Variants in IQSEC3 observed in about 807,000 individuals in gnomAD.
The protein encoded by IQSEC3 is IQ motif and SEC7 domain-containing protein 3.
IQSEC3 carries 50 observed loss-of-function variants against 105.4 expected under a neutral mutation model. The ratio of observed to expected loss-of-function variants is 0.47; its 90% CI spans 0.38 to 0.60. The LOEUF (loss-of-function observed/expected upper bound fraction) is 0.60. Among genes scored for constraint, IQSEC3 ranks in the 20% least tolerant of loss-of-function variants. The probability of loss-of-function intolerance (pLI) is 0.00; values close to 1 mark genes in which losing one functional copy is unlikely to be tolerated. For synonymous variants in IQSEC3, 708 were observed against 746.0 expected (o/e 0.95, Z 0.83); for missense variants, 1,415 against 1,630.0 (o/e 0.87, Z 2.27).
At chr12:99,295 A>G in intron 2 of IQSEC3, 81 bp downstream of exon 2, 5 of 1,278,732 alleles carry the variant, frequency 3.9e-6, no homozygotes, top group Non-Finnish European at 4.4e-6. Flanking sequence ...TGCACTAGCT[A>G]TTGGGCCTCC....
At chr12:69,462 G>A (rs143504615) in intron 1 of IQSEC3, among the ~76,000 whole-genome samples, 2,204 of 152,034 alleles carry the variant, frequency 0.014, no homozygotes, top group African/African-American at 0.051. Context: ...GCTTCCCAAA[G>A]GAGCAGAACA....
At chr12:73,825 T>C (rs1358045482) in intron 1 of IQSEC3, among the ~76,000 whole-genome samples, 1 of 152,288 alleles carries the variant, frequency 6.6e-6, no homozygotes, top group Non-Finnish European at 1.5e-5. Context: ...TATTCTCATT[T>C]AGCCATTCCA....
intron 9 of IQSEC3, among the ~76,000 whole-genome samples, chr12:164,430 C>T (rs782605026): frequency 3.9e-5 from 6 of 152,120 alleles, no homozygotes; most frequent in Admixed American, 6.5e-5. Context: ...CCTCCCCGCC[C>T]TCTCCTCAGC....
Position 138,718 on chromosome 12 carries a change from A to C in IQSEC3, c.1355A>C (p.Glu452Ala). 6.7e-7 allele frequency: 1 copy of C among 1,503,528 alleles called. No homozygotes were observed. Among genetic ancestry groups the C allele is most frequent in the Non-Finnish European group, 8.8e-7 (1 of 1,132,090 alleles). 93.1% of individuals were successfully genotyped at this position (1,503,528 alleles called of 1,614,324 possible). ...AAAGPPGLEAEGRAPESAGPG... is the reference protein window; with the variant it reads ...AAAGPPGLEAAGRAPESAGPG... ...GCGGGGCCCCCAGGCCTGGAGGCCG[A>C]GGGGCGGGCGCCGGAGAGCGCGGGC... The change falls in exon 4 of 14, where the codon GAG becomes GCG. Residue 452 changes from glutamate (E) to alanine (A), a missense_variant. Glu to Ala is a moderately radical substitution (Grantham distance 107). Transcript: ENST00000538872. The surrounding 1 kb of genome is among the most constrained non-coding windows in gnomAD (Gnocchi z 7.1).
At chr12:145,778 C>G (rs571088806) in intron 5 of IQSEC3, among the ~76,000 whole-genome samples, 10 of 152,390 alleles carry the variant, frequency 6.6e-5, no homozygotes, top group African/African-American at 1.7e-4. Context: ...GCTCTATTTC[C>G]TTTCTGAAAT....
chr12:133,013 A>C (rs1215514612), intron 3 of IQSEC3, among the ~76,000 whole-genome samples: 3 of 152,224 alleles, frequency 2.0e-5, no homozygotes, highest in African/African-American at 7.2e-5. Flanking sequence ...ATCCAAGTCC[A>C]ATCAGCTGGG....
intron 5 of IQSEC3, among the ~76,000 whole-genome samples, chr12:147,378 G>A (rs190523285): frequency 2.2e-4 from 33 of 152,274 alleles, no homozygotes; most frequent in Admixed American, 1.5e-3. Flanking sequence ...TCTTCACAGC[G>A]ACTCCGGGAG....
At chr12:85,423 T>G (rs1367319667) in intron 1 of IQSEC3, among the ~76,000 whole-genome samples, 2 of 152,262 alleles carry the variant, frequency 1.3e-5, no homozygotes, top group African/African-American at 4.8e-5. Context: ...CAATTCATGC[T>G]GTGCTGCCAC....
At chr12:109,096 A>G (rs1344188926) in intron 2 of IQSEC3, among the ~76,000 whole-genome samples, 3 of 152,202 alleles carry the variant, frequency 2.0e-5, no homozygotes, top group African/African-American at 7.2e-5. Flanking sequence ...CGCTCTCTCT[A>G]CTTCAGGGAT....
chr12:76,890 C>G (rs1863553867), intron 1 of IQSEC3, among the ~76,000 whole-genome samples: 1 of 152,260 alleles, frequency 6.6e-6, no homozygotes, highest in Admixed American at 6.5e-5. Flanking sequence ...TTGGATGCAC[C>G]AGGTCAAACC....
intron 1 of IQSEC3, among the ~76,000 whole-genome samples, chr12:71,984 C>T (rs1863337882): frequency 6.6e-6 from 1 of 152,278 alleles, no homozygotes; most frequent in African/African-American, 2.4e-5. Context: ...TTCCTGAAGG[C>T]CTAGGCCACT....
At chr12:168,566 TAAG>T (rs145537721) in intron 11 of IQSEC3, among the ~76,000 whole-genome samples, 1,645 of 152,280 alleles carry the variant, frequency 0.011, 34 homozygotes, top group African/African-American at 0.034. Flanking sequence ...CCTTAATACT[TAAG>T]GAGTACAGGT....
At chr12:168,991 C>T (rs1176051508) in intron 11 of IQSEC3, 22 bp from the exon 12 acceptor site, 3 of 1,607,596 alleles carry the variant, frequency 1.9e-6, no homozygotes, top group Middle Eastern at 1.7e-4. Flanking sequence ...TTCTCTTGCT[C>T]ACGGGCCTCT....
intron 11 of IQSEC3, chr12:166,946 A>G (rs983020511): frequency 1.8e-4 from 27 of 152,164 alleles, no homozygotes; most frequent in African/African-American, 6.5e-4. Flanking sequence ...AGAAACTGTC[A>G]TTTTCATTTA....
rs1335960713 is a variant in IQSEC3 at position 74,137 on chromosome 12, G to A, written c.554+6701G>A. ...TCAAGGACAAAAGTGGAGAGTGAGG[G>A]AAATGGCATCTGAACCCAGGAAGTG... is the stretch of plus-strand genomic sequence containing the variant. On this transcript the variant is annotated intron_variant, in intron 1 of 13. Transcript: ENST00000538872. 2.6e-5 allele frequency among the ~76,000 whole-genome samples: 4 copies of A among 152,174 alleles called. No homozygotes were observed. In the East Asian group the frequency reaches 7.7e-4, roughly 29 times the overall value.
At chr12:156,148 G>T (rs2137037585) in intron 5 of IQSEC3, among the ~76,000 whole-genome samples, 1 of 152,250 alleles carries the variant, frequency 6.6e-6, no homozygotes, top group South Asian at 2.1e-4. Context: ...GGGGGAACTG[G>T]CATGTGACCC....
At chr12:79,645 T>A (rs553379131) in intron 1 of IQSEC3, among the ~76,000 whole-genome samples, 1 of 152,232 alleles carries the variant, frequency 6.6e-6, no homozygotes, top group South Asian at 2.1e-4. Flanking sequence ...TTGCCCAGGC[T>A]GGTCTCGAAC....
At chr12:78,487 G>T (rs1210475496) in intron 1 of IQSEC3, among the ~76,000 whole-genome samples, 1 of 148,580 alleles carries the variant, frequency 6.7e-6, no homozygotes, top group African/African-American at 2.5e-5. Context: ...TGTCTTCCTT[G>T]TACCCAAGAC....
chr12:97,132 G>A (rs576697689), intron 1 of IQSEC3, among the ~76,000 whole-genome samples: 22 of 152,320 alleles, frequency 1.4e-4, no homozygotes, highest in South Asian at 4.1e-4. Context: ...GATGTGAAGC[G>A]TATTTGTTGG....
Sources: gnomAD v4.1 joint callset for allele counts (sites outside exome capture counted in the v4.1 genomes callset) on GRCh38, gnomAD v4.1.1 for gene constraint, Gnocchi (gnomAD v3.1) non-coding constraint, MANE v1.5 for transcripts, NCBI Gene and HGNC (gene_info 2026-07-23, HGNC 2026-07-21) for gene names.